CHAT: variants seen among roughly 807,000 people sequenced by gnomAD.
CHAT encodes the protein choline O-acetyltransferase, also known as acetyl CoA:choline O-acetyltransferase.
Under a neutral mutation model 76.9 loss-of-function variants are expected in CHAT, and 61 were observed. That is an observed-to-expected ratio of 0.79 (90% CI 0.65 to 0.98). CHAT has a LOEUF of 0.98. CHAT is among the 50% of genes least tolerant of loss of function. The pLI, the probability that CHAT is intolerant of heterozygous loss-of-function variation, is 0.00. For synonymous variants in CHAT, 407 were observed against 397.4 expected (o/e 1.02, Z -0.29); for missense variants, 946 against 986.9 (o/e 0.96, Z 0.56).
At chr10:49,654,460 G>A (rs1391557237) in intron 11 of CHAT, among the ~76,000 whole-genome samples, 1 of 152,278 alleles carries the variant, frequency 6.6e-6, no homozygotes, top group African/African-American at 2.4e-5. Context: ...GTGCCCACCA[G>A]GGGTGCAAGC....
intron 7 of CHAT, among the ~76,000 whole-genome samples, chr10:49,638,598 T>C (rs919045996): frequency 6.6e-6 from 1 of 152,240 alleles, no homozygotes; most frequent in Admixed American, 6.5e-5. Flanking sequence ...TCTGTTTGTA[T>C]AGCTTTTTCT....
At chr10:49,632,410 T>C (rs1839156720) in intron 7 of CHAT, among the ~76,000 whole-genome samples, 2 of 152,140 alleles carry the variant, frequency 1.3e-5, no homozygotes. Context: ...AGTATCCTGA[T>C]TAACTCCACG....
chr10:49,655,244 C>T lies in CHAT; in HGVS notation c.1776+8C>T. 6.2e-7 allele frequency: 1 copy of T among 1,613,976 alleles called. No homozygotes were observed. The highest frequency in any genetic ancestry group is 1.1e-5 in the South Asian group (1 of 91,074). On this transcript the variant is annotated splice_region_variant and intron_variant, in intron 12 of 14. Coordinates refer to ENST00000337653, the MANE Select transcript of CHAT (RefSeq NM_020549.5). ...CACAAGGCTGCTGTGCCAGTAAGTC[C>T]CGCCCCACCCCACGGCCACAGGAAA...
chr10:49,666,255 T>TCCAGCC lies in CHAT; in HGVS notation c.*1215_*1220dup, dbSNP rs1840337444. 6.7e-6 allele frequency among the ~76,000 whole-genome samples: 1 copy of TCCAGCC among 149,310 alleles called. No homozygotes were observed. The highest frequency in any genetic ancestry group is 1.5e-5 in the Non-Finnish European group (1 of 67,848). On this transcript the variant is annotated 3_prime_UTR_variant, in exon 15 of 15. Coordinates refer to ENST00000337653, the MANE Select transcript of CHAT (RefSeq NM_020549.5). ...CCCCAGCCCCAGCCCCAGCTCCAGC[T>TCCAGCC]CCAGCCCCAGCTCCAGCTCCAGCCC...
chr10:49,623,811 A>C (rs571325407), intron 5 of CHAT, among the ~76,000 whole-genome samples: 43 of 152,224 alleles, frequency 2.8e-4, no homozygotes, highest in African/African-American at 9.2e-4. Flanking sequence ...TTGCACCTTC[A>C]TGTAACCCAT....
rs1189659107 is a variant in CHAT, at chr10:49,666,241, G to T, written c.*1195G>T. On this transcript the variant is annotated 3_prime_UTR_variant, in exon 15 of 15. Coordinates refer to ENST00000337653, the MANE Select transcript of CHAT (RefSeq NM_020549.5). ...TCCTCCAGAGTCAGCCCCAGCCCCA[G>T]CCCCAGCTCCAGCTCCAGCCCCAGC... Among the ~76,000 whole-genome samples the T allele has an allele frequency of 1.3e-5, 2 of 149,622 alleles. No individual in the cohort carries two copies. The highest frequency in any genetic ancestry group is 5.1e-5 in the African/African-American group (2 of 39,204).
At chr10:49,621,550 G>A (rs533405044) in intron 4 of CHAT, among the ~76,000 whole-genome samples, 13 of 152,192 alleles carry the variant, frequency 8.5e-5, no homozygotes, top group South Asian at 4.2e-4. Context: ...CATTAGTACC[G>A]GGGGGTGGGA....
At chr10:49,631,972 G>A (rs1386247763) in intron 7 of CHAT, among the ~76,000 whole-genome samples, 1 of 150,460 alleles carries the variant, frequency 6.6e-6, no homozygotes, top group Non-Finnish European at 1.5e-5. Flanking sequence ...TATTGGGGGG[G>A]TAAAACCTAA....
chr10:49,625,772 G>T, intron 6 of CHAT, 119 bp downstream of exon 6: 1 of 1,105,898 alleles, frequency 9.0e-7, no homozygotes. Context: ...AGGGAGCTGG[G>T]GCACCATGTC....
chr10:49,646,468 G>A (rs375029006), intron 7 of CHAT, 37 bp from the exon 8 acceptor site: 18 of 1,612,970 alleles, frequency 1.1e-5, no homozygotes, highest in East Asian at 4.5e-5. Context: ...GGCCTGGAGC[G>A]GGACAGGTGC....
intron 7 of CHAT, among the ~76,000 whole-genome samples, chr10:49,635,243 T>C (rs1451128137): frequency 6.6e-6 from 1 of 152,252 alleles, no homozygotes; most frequent in Non-Finnish European, 1.5e-5. Flanking sequence ...TGGAGATTTA[T>C]CCAAATCGTT....
At chr10:49,623,187 G>A (rs529373924) in intron 5 of CHAT, among the ~76,000 whole-genome samples, 1 of 152,154 alleles carries the variant, frequency 6.6e-6, no homozygotes, top group East Asian at 1.9e-4. Context: ...CCCAGAACTC[G>A]CCCCTCCAGC....
chr10:49,616,322 G>T (rs1838492019), intron 1 of CHAT, among the ~76,000 whole-genome samples, 180 bp from the exon 2 acceptor site: 1 of 152,140 alleles, frequency 6.6e-6, no homozygotes, highest in African/African-American at 2.4e-5. Context: ...GAACACTGTG[G>T]TCAGCACGTA....
At chr10:49,638,897 A>G (rs1839381816) in intron 7 of CHAT, among the ~76,000 whole-genome samples, 1 of 152,150 alleles carries the variant, frequency 6.6e-6, no homozygotes, top group African/African-American at 2.4e-5. Context: ...TTTCTTCTTG[A>G]TATTCCAATG....
At chr10:49,642,233 T>G (rs1839505956) in intron 7 of CHAT, among the ~76,000 whole-genome samples, 1 of 152,242 alleles carries the variant, frequency 6.6e-6, no homozygotes, top group Non-Finnish European at 1.5e-5. Context: ...GTCCCATGTT[T>G]CCATTACATT....
intron 7 of CHAT, among the ~76,000 whole-genome samples, chr10:49,631,398 A>T (rs1435992571): frequency 2.6e-5 from 4 of 152,148 alleles, no homozygotes; most frequent in Non-Finnish European, 5.9e-5. Flanking sequence ...GACCAGTCAT[A>T]TGGGATTAGG....
At chr10:49,651,100 G>A (rs537490981) in intron 10 of CHAT, among the ~76,000 whole-genome samples, 30 of 152,160 alleles carry the variant, frequency 2.0e-4, no homozygotes, top group Admixed American at 7.2e-4. Flanking sequence ...CATACAAGTG[G>A]GTGAGGCCCG....
chr10:49,646,140 G>A (rs368855754), intron 7 of CHAT, among the ~76,000 whole-genome samples: 15 of 152,256 alleles, frequency 9.9e-5, no homozygotes, highest in Admixed American at 5.9e-4. Context: ...GCTGTTGGGT[G>A]GGGGATTAAG....
Position 49,616,562 on chromosome 10 carries a change from C to T in CHAT, c.347C>T (p.Pro116Leu). 3.1e-6 allele frequency: 5 copies of T among 1,613,106 alleles called. No individual in the cohort carries two copies. Among genetic ancestry groups the T allele is most frequent in the South Asian group, 1.1e-5 (1 of 90,820 alleles). The change falls in exon 2 of 15, where the codon CCC (proline) becomes CTC (leucine). Residue 116 changes from proline to leucine, a missense_variant. Physicochemically the swap from Pro to Leu is moderately conservative, Grantham distance 98. This residue lies in a region of CHAT where 548 missense variants were observed against 516.2 expected (regional missense o/e 1.06). Transcript: ENST00000337653. ...AAGACGCCCATCCTGGAAAAGGTCC[C>T]CCGTAAGATGGCAGCAAAAACTCCC... ...LTKTPILEKV[P>L]RKMAAKTPSS...
Sources: allele counts gnomAD v4.1 joint callset (sites outside exome capture counted in the v4.1 genomes callset), GRCh38; gene constraint gnomAD v4.1.1; regional missense constraint gnomAD v4.1.1; transcripts MANE v1.5; gene names NCBI Gene and HGNC (gene_info 2026-07-23, HGNC 2026-07-21).